Variants in DYDC1 observed in about 807,000 individuals in gnomAD.
DYDC1 encodes DPY30 domain-containing protein 1.
DYDC1 carries 21 observed loss-of-function variants against 27.9 expected under a neutral mutation model. The observed-to-expected ratio is 0.75, with a 90% confidence interval of 0.53 to 1.08. The LOEUF is 1.08. Ranked by LOEUF, DYDC1 falls within the 50% of genes least tolerant of loss-of-function variation. DYDC1 has a pLI of 0.00. For missense variants in DYDC1, 202 were observed against 205.9 expected (o/e 0.98, Z 0.12); for synonymous variants, 67 against 65.8 (o/e 1.02, Z -0.09).
intron 4 of DYDC1, 135 bp from the exon 5 acceptor site, chr10:80,339,288 G>T: frequency 2.6e-6 from 1 of 386,478 alleles, no homozygotes. Flanking sequence ...GAAAGAGAAT[G>T]ATCTGATTAC....
intron 6 of DYDC1, chr10:80,338,011 G>A: frequency 3.7e-6 from 3 of 805,204 alleles, no homozygotes; most frequent in Non-Finnish European, 4.3e-6. Context: ...AAAGCCATCT[G>A]CCTTATTCAC....
Position 80,336,183 on chromosome 10 carries a change from A to G in DYDC1, c.507T>C (p.Ile169=), listed in dbSNP as rs371942041. Residue 169 remains isoleucine (I), a splice_region_variant and synonymous_variant, in exon 7 of 7, where the codon ATT becomes ATC. Coordinates refer to ENST00000372202, the MANE Select transcript of DYDC1 (RefSeq NM_001269053.2). ...ACAAATCTTGATCAATGTTTAATGC[A>G]ATCTAAAAGCAAAACAAAAAGTAAA... ...EELDEPMFSD[I]ALNIDQDL 8 of 1,568,998 alleles carry G rather than the reference A, an allele frequency of 5.1e-6. No homozygotes were observed. The highest frequency in any genetic ancestry group is 6.9e-6 in the Non-Finnish European group (8 of 1,157,512).
At chr10:80,355,801 G>A (rs1397384582) in intron 1 of DYDC1, among the ~76,000 whole-genome samples, 2 of 151,998 alleles carry the variant, frequency 1.3e-5, no homozygotes, top group South Asian at 2.1e-4. Flanking sequence ...CTCTAAAAAC[G>A]GAAAACAAAC....
intron 6 of DYDC1, chr10:80,337,960 T>C: frequency 2.1e-6 from 1 of 472,896 alleles, no homozygotes; most frequent in Non-Finnish European, 2.8e-6. Context: ...AATGTTCATC[T>C]AATTGTCTGT....
At chr10:80,345,864 T>G (rs780440989) in intron 3 of DYDC1, among the ~76,000 whole-genome samples, 2 of 152,202 alleles carry the variant, frequency 1.3e-5, no homozygotes, top group Non-Finnish European at 2.9e-5. Context: ...GAAATACATC[T>G]TACGTTTTTT....
rs368866721 is a variant in DYDC1 at position 80,338,526 on chromosome 10, G to A, written c.445C>T (p.Arg149Cys). Residue 149 changes from arginine to cysteine, a missense_variant, in exon 6 of 7, where the codon CGT becomes TGT. Transcript: ENST00000372202. ...SGKTLAEISD[R>C]YGAPNLSRVE... ...CTGCTCAAGTTAGGTGCTCCATAAC[G>A]ATCGCTGATTTCAGCTAGTGTTTTG... 1.9e-6 allele frequency: 3 copies of A among 1,610,298 alleles called. No individual in the cohort carries two copies. Among genetic ancestry groups the A allele is most frequent in the African/African-American group, 1.3e-5 (1 of 74,786 alleles).
At chr10:80,340,239 G>A (rs569295817) in intron 4 of DYDC1, among the ~76,000 whole-genome samples, 1 of 152,318 alleles carries the variant, frequency 6.6e-6, no homozygotes, top group African/African-American at 2.4e-5. Flanking sequence ...CACAGTTTAT[G>A]TGTTAAACCC....
intron 6 of DYDC1, 90 bp from the exon 7 acceptor site, chr10:80,336,275 A>G (rs1842133088): frequency 1.4e-6 from 2 of 1,440,754 alleles, no homozygotes; most frequent in African/African-American, 1.5e-5. Flanking sequence ...GGTAACTTCT[A>G]TGTGACTACA....
At chr10:80,347,276 CTTTTTTTTTTTTTTT>C (rs556362145) in intron 3 of DYDC1, among the ~76,000 whole-genome samples, 2 of 90,124 alleles carry the variant, frequency 2.2e-5, no homozygotes, top group Middle Eastern at 6.3e-3. Context: ...AATTGGGATC[CTTTTTTTTTTTTTTT>C]TTTTTTTTTT....
chr10:80,341,900 T>C (rs1389399623), intron 4 of DYDC1, among the ~76,000 whole-genome samples: 2 of 152,132 alleles, frequency 1.3e-5, no homozygotes, highest in Non-Finnish European at 1.5e-5. Context: ...GGTGCGTGCC[T>C]GTAATTCCAG....
intron 4 of DYDC1, among the ~76,000 whole-genome samples, chr10:80,340,913 C>T (rs1389915347): frequency 2.0e-5 from 3 of 152,082 alleles, no homozygotes; most frequent in South Asian, 4.2e-4. Context: ...AGACTAAGAC[C>T]GCATCAGCAT....
chr10:80,347,380 A>C (rs1322419601), intron 3 of DYDC1, among the ~76,000 whole-genome samples: 1 of 141,620 alleles, frequency 7.1e-6, no homozygotes, highest in Non-Finnish European at 1.5e-5. Context: ...ATGGTTCACA[A>C]ATATCTTCTC....
chr10:80,340,897 A>G (rs1385043402), intron 4 of DYDC1, among the ~76,000 whole-genome samples: 1 of 152,202 alleles, frequency 6.6e-6, no homozygotes, highest in Non-Finnish European at 1.5e-5. Context: ...TGCTCACACT[A>G]CACTCAGACT....
At chr10:80,341,583 C>T (rs1398078953) in intron 4 of DYDC1, among the ~76,000 whole-genome samples, 1 of 151,642 alleles carries the variant, frequency 6.6e-6, no homozygotes, top group Admixed American at 6.6e-5. Flanking sequence ...CTACTGCCTC[C>T]GAGATTGGAA....
intron 2 of DYDC1, 95 bp downstream of exon 2, chr10:80,352,360 A>G: frequency 7.4e-7 from 1 of 1,357,240 alleles, no homozygotes; most frequent in Non-Finnish European, 9.6e-7. Context: ...CATTATTTTT[A>G]TAACAGAAAA....
chr10:80,342,219 G>T lies in DYDC1; in HGVS notation c.342+50C>A, dbSNP rs111869292. 98 of 1,563,452 alleles carry T rather than the reference G, an allele frequency of 6.3e-5. No individual in the cohort carries two copies. In the African/African-American group the frequency reaches 1.0e-3, roughly 16 times the overall value. ...TAACAGCTGAAATAAACAGTTTGAA[G>T]ATTCTAGAGAGTTTTAAATAAAACT... On this transcript the variant is annotated intron_variant, in intron 4 of 6. Coordinates refer to ENST00000372202, the MANE Select transcript of DYDC1 (RefSeq NM_001269053.2).
chr10:80,353,451 C>T (rs887940684), intron 1 of DYDC1, among the ~76,000 whole-genome samples: 2 of 150,750 alleles, frequency 1.3e-5, no homozygotes, highest in African/African-American at 2.4e-5. Flanking sequence ...CGTGAGCCAC[C>T]GCGCCTGGCC....
In DYDC1 at chr10:80,339,083, C is replaced by T. The variant is rs775251983; in HGVS notation, c.399+14G>A. 1.5e-6 allele frequency: 2 copies of T among 1,370,452 alleles called. No homozygotes were observed. The highest frequency in any genetic ancestry group is 2.0e-6 in the Non-Finnish European group (2 of 1,015,068). The allele number at this position is 1,370,452 out of a possible 1,614,324, so 84.9% of individuals were successfully genotyped here. On this transcript the variant is annotated intron_variant, in intron 5 of 6. Coordinates refer to ENST00000372202, the MANE Select transcript of DYDC1 (RefSeq NM_001269053.2). ...ATTCATTTCACATAACATAGAATGA[C>T]TTTTTCTTCTCACCTCTGAATGTAG...
intron 6 of DYDC1, chr10:80,337,253 GC>G: frequency 1.0e-6 from 1 of 985,378 alleles, no homozygotes; most frequent in South Asian, 4.7e-5. Flanking sequence ...TTCCCCATTG[GC>G]CCACGGCCCC....
Sources: allele counts gnomAD v4.1 joint callset (sites outside exome capture counted in the v4.1 genomes callset), GRCh38; gene constraint gnomAD v4.1.1; transcripts MANE v1.5; gene names NCBI Gene and HGNC (gene_info 2026-07-23, HGNC 2026-07-21).